Variants in DIPK1A observed in about 807,000 individuals in gnomAD.
DIPK1A encodes the protein divergent protein kinase domain 1A.
DIPK1A carries 27 observed loss-of-function variants against 40.8 expected under a neutral mutation model. The observed-to-expected ratio is 0.66, with a 90% confidence interval of 0.49 to 0.91. DIPK1A has a LOEUF of 0.91. Among genes scored for constraint, DIPK1A ranks in the 40% least tolerant of loss-of-function variants. DIPK1A has a pLI of 0.00. For synonymous variants in DIPK1A, 166 were observed against 171.3 expected (o/e 0.97, Z 0.24); for missense variants, 412 against 505.7 (o/e 0.81, Z 1.78).
chr1:92,851,427 C>T (rs973662500), intron 2 of DIPK1A, among the ~76,000 whole-genome samples: 3 of 148,644 alleles, frequency 2.0e-5, no homozygotes, highest in African/African-American at 4.9e-5. Context: ...CCTGTAATGC[C>T]AGCTACTCGG....
intron 1 of DIPK1A, chr1:92,877,149 T>C: frequency 3.0e-6 from 3 of 985,410 alleles, no homozygotes; most frequent in Non-Finnish European, 3.6e-6. Flanking sequence ...CCTCTTTGCA[T>C]TGTTTTGTTT....
At chr1:92,861,357 C>CA (rs1458954535) in intron 2 of DIPK1A, among the ~76,000 whole-genome samples, 1 of 113,652 alleles carries the variant, frequency 8.8e-6, no homozygotes. Flanking sequence ...GACAGGGTCT[C>CA]ACTCTGTCAC....
rs1687469449 is a variant in DIPK1A at position 92,843,664 on chromosome 1, C to G, written c.1006G>C (p.Asp336His). The change falls in exon 5 of 5, where the codon GAC (aspartate) becomes CAC (histidine). Residue 336 changes from aspartate (D) to histidine (H), a missense_variant. Asp to His is a moderately conservative substitution (Grantham distance 81). Coordinates refer to ENST00000370310, the MANE Select transcript of DIPK1A (RefSeq NM_001006605.5). The stretch of plus-strand genomic sequence containing the variant: ...CTACAATCTGTGCCATAGACACAGT[C>G]CAAATCAGACTCACAGTGACGATCC... Reference protein sequence around the residue: ...IKDRHCESDLDCVYGTDCRTS... With the variant: ...IKDRHCESDLHCVYGTDCRTS... 6.4e-7 allele frequency: 1 copy of G among 1,551,716 alleles called. No individual in the cohort carries two copies. The highest frequency in any genetic ancestry group is 8.7e-7 in the Non-Finnish European group (1 of 1,146,998).
intron 1 of DIPK1A, among the ~76,000 whole-genome samples, chr1:92,949,988 G>A (rs1651562634): frequency 6.6e-6 from 1 of 152,182 alleles, no homozygotes; most frequent in Admixed American, 6.6e-5. Flanking sequence ...GTCTGGGATG[G>A]AAGAAGGATA....
chr1:92,875,122 GT>G (rs1325269861), intron 2 of DIPK1A, among the ~76,000 whole-genome samples: 2 of 152,006 alleles, frequency 1.3e-5, no homozygotes, highest in African/African-American at 4.8e-5. Context: ...TGTTAAACTG[GT>G]TTTTATTTTC....
chr1:92,897,308 T>C (rs1649213900), intron 1 of DIPK1A, among the ~76,000 whole-genome samples: 2 of 152,126 alleles, frequency 1.3e-5, no homozygotes, highest in South Asian at 4.1e-4. Context: ...ATATACACCA[T>C]GGAATACTAT....
At chr1:92,924,848 T>C (rs1650426354) in intron 1 of DIPK1A, among the ~76,000 whole-genome samples, 1 of 152,234 alleles carries the variant, frequency 6.6e-6, no homozygotes, top group African/African-American at 2.4e-5. Context: ...GTTGGTCATG[T>C]CCCATGGGCC....
intron 1 of DIPK1A, among the ~76,000 whole-genome samples, chr1:92,920,243 A>G (rs999861064): frequency 6.6e-6 from 1 of 152,220 alleles, no homozygotes; most frequent in African/African-American, 2.4e-5. Flanking sequence ...GCCAGTGGAG[A>G]TAAATGAATA....
chr1:92,948,952 C>T (rs1337384188), intron 1 of DIPK1A, among the ~76,000 whole-genome samples: 3 of 151,214 alleles, frequency 2.0e-5, no homozygotes, highest in African/African-American at 7.3e-5. Context: ...TTACAGATGA[C>T]CACCACCATA....
At chr1:92,904,288 C>T (rs1222677410) in intron 1 of DIPK1A, among the ~76,000 whole-genome samples, 3 of 152,140 alleles carry the variant, frequency 2.0e-5, no homozygotes, top group African/African-American at 7.2e-5. Flanking sequence ...CTGGTGGTTA[C>T]TTACAGCAAC....
At chr1:92,937,267 C>A (rs1345841490) in intron 1 of DIPK1A, among the ~76,000 whole-genome samples, 9 of 151,632 alleles carry the variant, frequency 5.9e-5, no homozygotes. Context: ...TTGAGACCAG[C>A]CTGGCCAACA....
intron 3 of DIPK1A, among the ~76,000 whole-genome samples, chr1:92,848,438 C>T (rs1435560058): frequency 6.6e-6 from 1 of 152,168 alleles, no homozygotes; most frequent in Non-Finnish European, 1.5e-5. Context: ...CAGGTTGAAG[C>T]TTGTTTCTGC....
Position 92,927,964 on chromosome 1 carries a change from G to T in DIPK1A, c.54+33412C>A, listed in dbSNP as rs568023719. On this transcript the variant is annotated intron_variant, in intron 1 of 4. Transcript: ENST00000370310. Reference sequence around the variant, plus strand: ...TGGATGTGGGTTTTCATTTCCACTGGGTATATATCTAGGAGGGGAACTGCT... The same window carrying T: ...TGGATGTGGGTTTTCATTTCCACTGTGTATATATCTAGGAGGGGAACTGCT... Among the ~76,000 whole-genome samples, 4 of 152,220 alleles carry T rather than the reference G, an allele frequency of 2.6e-5. No homozygotes were observed. In the East Asian group the frequency reaches 7.7e-4, roughly 29 times the overall value.
intron 1 of DIPK1A, among the ~76,000 whole-genome samples, chr1:92,923,711 T>C (rs1650365428): frequency 6.6e-6 from 1 of 152,146 alleles, no homozygotes. Context: ...CCCCATTCTG[T>C]CAACATATGT....
At chr1:92,923,696 A>G (rs542995865) in intron 1 of DIPK1A, among the ~76,000 whole-genome samples, 34 of 152,258 alleles carry the variant, frequency 2.2e-4, no homozygotes, top group Middle Eastern at 6.8e-3. Flanking sequence ...ATGAACCACC[A>G]CTGGCCCCAT....
intron 2 of DIPK1A, among the ~76,000 whole-genome samples, chr1:92,857,488 A>G (rs1688023153): frequency 6.6e-6 from 1 of 151,784 alleles, no homozygotes; most frequent in African/African-American, 2.4e-5. Flanking sequence ...CGCCCAGCTA[A>G]TTTTTGTATT....
At position 92,906,136 on chromosome 1, in the gene DIPK1A, A is replaced by AT. The variant is rs1031509977; in HGVS notation, c.55-29707dup. 5.3e-5 allele frequency among the ~76,000 whole-genome samples: 8 copies of AT among 151,748 alleles called. No individual in the cohort carries two copies. In the South Asian group the frequency reaches 6.2e-4, roughly 12 times the overall value. ...TCTGTGGTTCCACATAAATTTTAGG[A>AT]TTTTTTTTCTATTTCTGTGAAGGAT... is the stretch of plus-strand genomic sequence containing the variant. On this transcript the variant is annotated intron_variant, in intron 1 of 4. Coordinates refer to ENST00000370310, the MANE Select transcript of DIPK1A (RefSeq NM_001006605.5).
chr1:92,838,506 A>C (rs1035075771), downstream of DIPK1A, among the ~76,000 whole-genome samples: 2 of 152,176 alleles, frequency 1.3e-5, no homozygotes, highest in Non-Finnish European at 2.9e-5. Flanking sequence ...TCAGATGTTT[A>C]CTTCCTAATG....
intron 1 of DIPK1A, among the ~76,000 whole-genome samples, chr1:92,917,409 A>G: frequency 6.6e-6 from 1 of 152,212 alleles, no homozygotes; most frequent in East Asian, 1.9e-4. Context: ...GTATGTACAC[A>G]TATAGATAGA....
Sources: gnomAD v4.1 joint callset for allele counts (sites outside exome capture counted in the v4.1 genomes callset) on GRCh38, gnomAD v4.1.1 for gene constraint, MANE v1.5 for transcripts, NCBI Gene and HGNC (gene_info 2026-07-23, HGNC 2026-07-21) for gene names.